PTPN13: variants seen among roughly 807,000 people sequenced by gnomAD.
The protein encoded by PTPN13 is tyrosine-protein phosphatase non-receptor type 13.
A neutral mutation model predicts 284.0 loss-of-function variants in PTPN13; 191 were observed. That is an observed-to-expected ratio of 0.67 (90% CI 0.60 to 0.76). The LOEUF is 0.76. Ranked by LOEUF, PTPN13 falls within the 30% of genes least tolerant of loss-of-function variation. PTPN13 has a pLI of 0.00. For synonymous variants in PTPN13, 986 were observed against 1,022.3 expected (o/e 0.96, Z 0.68); for missense variants, 2,797 against 2,939.9 (o/e 0.95, Z 1.12).
chr4:86,657,014 G>T (rs1048010642), intron 2 of PTPN13, among the ~76,000 whole-genome samples: 1 of 152,212 alleles, frequency 6.6e-6, no homozygotes, highest in African/African-American at 2.4e-5. Context: ...GGGCGTGGGA[G>T]CCTCCAAGCC....
intron 2 of PTPN13, among the ~76,000 whole-genome samples, chr4:86,638,233 C>T (rs529026373): frequency 3.9e-5 from 6 of 152,174 alleles, no homozygotes; most frequent in East Asian, 3.9e-4. Context: ...GAGTCAATAT[C>T]GTGAAAATGG....
chr4:86,805,421 G>A lies in PTPN13; in HGVS notation c.6745+52G>A, dbSNP rs1255025565. Reference sequence around the variant, plus strand: ...AATATGTGATCAGTATAATATTAATGGATTAAAATTTTTTGTGTTTAACTT... The same window carrying A: ...AATATGTGATCAGTATAATATTAATAGATTAAAATTTTTTGTGTTTAACTT... On this transcript the variant is annotated intron_variant, in intron 44 of 47. Transcript: ENST00000411767. 2.6e-6 allele frequency: 3 copies of A among 1,135,792 alleles called. No individual in the cohort carries two copies. In the East Asian group the frequency reaches 8.0e-5, roughly 30 times the overall value. The allele number at this position is 1,135,792 out of a possible 1,614,324, so 70.4% of individuals were successfully genotyped here. A position where few individuals can be genotyped will look rare whatever the true frequency, so the allele number is the denominator to read the frequency against.
intron 7 of PTPN13, among the ~76,000 whole-genome samples, chr4:86,704,295 GA>G (rs1402268777): frequency 2.6e-5 from 4 of 152,144 alleles, no homozygotes; most frequent in African/African-American, 2.4e-5. Context: ...CAAAGCTTGA[GA>G]TTTTTTTTTT....
intron 15 of PTPN13, among the ~76,000 whole-genome samples, chr4:86,738,063 A>G (rs1458540597): frequency 6.6e-6 from 1 of 151,780 alleles, no homozygotes; most frequent in Non-Finnish European, 1.5e-5. Context: ...ATGGTGTGGT[A>G]TATATCAGTA....
At position 86,734,860 on chromosome 4, in the gene PTPN13, A is replaced by G; in HGVS notation, c.2136A>G (p.Gly712=). The part of the protein sequence containing the change: ...LASLALQAEY[G]DYQPEVHGVS... Reference sequence around the variant, plus strand: ...CCTTGGCTCTCCAGGCTGAGTATGGAGATTATCAACCAGAGGTAGGATTTG... The same window carrying G: ...CCTTGGCTCTCCAGGCTGAGTATGGGGATTATCAACCAGAGGTAGGATTTG... The change falls in exon 14 of 48, where the codon GGA becomes GGG. Residue 712 remains glycine, a synonymous_variant. Coordinates refer to ENST00000411767, the MANE Select transcript of PTPN13 (RefSeq NM_080683.3). 6.2e-7 allele frequency: 1 copy of G among 1,612,004 alleles called. No homozygotes were observed. The highest frequency in any genetic ancestry group is 8.5e-7 in the Non-Finnish European group (1 of 1,178,500).
At chr4:86,697,121 T>G (rs1400417941) in intron 6 of PTPN13, among the ~76,000 whole-genome samples, 1 of 152,150 alleles carries the variant, frequency 6.6e-6, no homozygotes, top group Non-Finnish European at 1.5e-5. Flanking sequence ...CTTGAAGAAG[T>G]AATTCTTCTA....
Position 86,809,791 on chromosome 4 carries a change from C to G in PTPN13, c.7106C>G (p.Ser2369Cys), listed in dbSNP as rs146429954. The G allele has an allele frequency of 1.8e-4, 284 of 1,614,006 alleles. No homozygotes were observed. The highest frequency in any genetic ancestry group is 5.0e-4 in the Middle Eastern group (3 of 6,060). Residue 2369 changes from serine to cysteine, a missense_variant, in exon 46 of 48, where the codon TCT becomes TGT. Transcript: ENST00000411767. ...CAGACCAGAGAGGTGCGCCATATTT[C>G]TCATCTGAATTTCACTGCCTGGCCA... Reference protein sequence around the residue: ...DIQTREVRHISHLNFTAWPDH... With the variant: ...DIQTREVRHICHLNFTAWPDH...
chr4:86,679,704 T>C (rs1339159803), intron 3 of PTPN13, among the ~76,000 whole-genome samples: 1 of 152,192 alleles, frequency 6.6e-6, no homozygotes, highest in Admixed American at 6.5e-5. Context: ...ATGTAGCACA[T>C]GTAAAGCAGC....
At chr4:86,639,878 A>G (rs1723562658) in intron 2 of PTPN13, among the ~76,000 whole-genome samples, 1 of 152,194 alleles carries the variant, frequency 6.6e-6, no homozygotes, top group Non-Finnish European at 1.5e-5. Context: ...CTAAATAAGC[A>G]ACTCTGGGGG....
At chr4:86,619,835 G>T (rs1721015022) in intron 1 of PTPN13, among the ~76,000 whole-genome samples, 1 of 151,148 alleles carries the variant, frequency 6.6e-6, no homozygotes, top group Non-Finnish European at 1.5e-5. Flanking sequence ...GTGCTAGTTT[G>T]TTTGTTTGAC....
In PTPN13 at chr4:86,631,697, C is replaced by T. The variant is rs568988099; in HGVS notation, c.-5-3555C>T. Among the ~76,000 whole-genome samples the T allele has an allele frequency of 5.9e-5, 9 of 152,134 alleles. No individual in the cohort carries two copies. In the South Asian group the frequency reaches 1.5e-3, roughly 25 times the overall value. The stretch of plus-strand genomic sequence containing the variant: ...AAAAAAGTTTAAATAAAAATTAACA[C>T]GGTATTGATATAATTCGTACCCGAT... On this transcript the variant is annotated intron_variant, in intron 1 of 47. Coordinates refer to ENST00000411767, the MANE Select transcript of PTPN13 (RefSeq NM_080683.3).
Position 86,741,697 on chromosome 4 carries a change from C to T in PTPN13, c.2368C>T (p.Gln790Ter). ...FHRVHPEKKSQTGILLGVCSK... is the reference protein window; with the variant it reads ...FHRVHPEKKS Reference sequence around the variant, plus strand: ...CCGAGTGCACCCTGAGAAGAAGTCACAAACAGGAATATTGCTTGGAGTCTG... The same window carrying T: ...CCGAGTGCACCCTGAGAAGAAGTCATAAACAGGAATATTGCTTGGAGTCTG... Residue 790 changes from glutamine (Q) to a stop codon, truncating the protein, a stop_gained, in exon 16 of 48, where the codon CAA becomes TAA. Coordinates refer to ENST00000411767, the MANE Select transcript of PTPN13 (RefSeq NM_080683.3). LOFTEE classifies it high-confidence loss of function. 6.2e-7 allele frequency: 1 copy of T among 1,613,758 alleles called. No individual in the cohort carries two copies. Among genetic ancestry groups the T allele is most frequent in the Non-Finnish European group, 8.5e-7 (1 of 1,179,760 alleles).
At chr4:86,634,749 G>GTA (rs1722826553) in intron 1 of PTPN13, among the ~76,000 whole-genome samples, 1 of 152,118 alleles carries the variant, frequency 6.6e-6, no homozygotes, top group Admixed American at 6.6e-5. Context: ...TACAGTTATA[G>GTA]TATATATATT....
intron 17 of PTPN13, among the ~76,000 whole-genome samples, chr4:86,746,688 T>G (rs1736801419): frequency 6.6e-6 from 1 of 152,114 alleles, no homozygotes; most frequent in South Asian, 2.1e-4. Context: ...AAAATCTTGT[T>G]TGGGTGCAAT....
At chr4:86,747,227 C>T (rs1030381926) in intron 17 of PTPN13, among the ~76,000 whole-genome samples, 4 of 152,198 alleles carry the variant, frequency 2.6e-5, no homozygotes, top group African/African-American at 9.7e-5. Context: ...GCCAAATTGC[C>T]AGTGGCAAAT....
Position 86,689,140 on chromosome 4 carries a change from T to G in PTPN13, c.496T>G (p.Phe166Val). Residue 166 changes from phenylalanine (F) to valine (V), a missense_variant, in exon 5 of 48, where the codon TTT (phenylalanine) becomes GTT (valine). By Grantham distance (50) the Phe-to-Val change is conservative (BLOSUM62 -1). Coordinates refer to ENST00000411767, the MANE Select transcript of PTPN13 (RefSeq NM_080683.3). ...TAGGAATAGCAATTGTGCACCCTCA[T>G]TTTCCTACGTGAAACACTTGGTAAA... ...HIRNSNCAPSFSYVKHLVKLV... is the reference protein window; with the variant it reads ...HIRNSNCAPSVSYVKHLVKLV... 2 of 1,613,664 alleles carry G rather than the reference T, an allele frequency of 1.2e-6. No individual in the cohort carries two copies. Among genetic ancestry groups the G allele is most frequent in the Non-Finnish European group, 8.5e-7 (1 of 1,179,616 alleles).
At chr4:86,684,455 G>C (rs944279353) in intron 3 of PTPN13, among the ~76,000 whole-genome samples, 1 of 152,066 alleles carries the variant, frequency 6.6e-6, no homozygotes, top group Non-Finnish European at 1.5e-5. Context: ...AAATCTGCTT[G>C]CAAAATGGAA....
intron 2 of PTPN13, among the ~76,000 whole-genome samples, chr4:86,670,450 G>A (rs567804754): frequency 1.3e-5 from 2 of 151,606 alleles, no homozygotes; most frequent in African/African-American, 2.4e-5. Flanking sequence ...TAATTACTCA[G>A]ATCAAAACTT....
chr4:86,635,247 C>T lies in PTPN13; in HGVS notation c.-5-5C>T. On this transcript the variant is annotated splice_polypyrimidine_tract_variant and splice_region_variant and intron_variant, in intron 1 of 47. Transcript: ENST00000411767. ...CATAGACCATCTGTTACCTTTGTTT[C>T]CCAGGTAATATGCACGTGTCACTAG... 6.3e-7 allele frequency: 1 copy of T among 1,586,972 alleles called. No homozygotes were observed. The highest frequency in any genetic ancestry group is 8.6e-7 in the Non-Finnish European group (1 of 1,166,426).
Sources: allele counts gnomAD v4.1 joint callset (sites outside exome capture counted in the v4.1 genomes callset), GRCh38; gene constraint gnomAD v4.1.1; transcripts MANE v1.5; gene names NCBI Gene and HGNC (gene_info 2026-07-23, HGNC 2026-07-21).